CIT: variants seen among roughly 807,000 people sequenced by gnomAD.
CIT encodes citron rho-interacting serine/threonine kinase, also known as citron Rho-interacting kinase.
A neutral mutation model predicts 272.7 loss-of-function variants in CIT; 79 were observed. The ratio of observed to expected loss-of-function variants is 0.29; its 90% confidence interval spans 0.24 to 0.35. The LOEUF (loss-of-function observed/expected upper bound fraction) is 0.35. Ranked by LOEUF, CIT falls within the 10% of genes least tolerant of loss-of-function variation. The pLI is 1.00. For missense variants in CIT, 1,909 were observed against 2,618.3 expected (o/e 0.73, Z 5.91); for synonymous variants, 948 against 995.6 (o/e 0.95, Z 0.90).
At chr12:119,874,857 AGCCTGG>A (rs1475807407) in intron 2 of CIT, among the ~76,000 whole-genome samples, 2 of 150,896 alleles carry the variant, frequency 1.3e-5, no homozygotes, top group Non-Finnish European at 3.0e-5. Flanking sequence ...ACTGCACTCC[AGCCTGG>A]GCGACAGCGA....
chr12:119,788,659 C>A (rs1003261211), intron 10 of CIT, among the ~76,000 whole-genome samples: 2 of 151,970 alleles, frequency 1.3e-5, no homozygotes, highest in Non-Finnish European at 2.9e-5. Flanking sequence ...TGCTTTTTCA[C>A]CCCCCACCAA....
At chr12:119,698,301 T>G in intron 44 of CIT, 1 of 490,618 alleles carries the variant, frequency 2.0e-6, no homozygotes, top group African/African-American at 1.9e-5. Context: ...TACATTATAA[T>G]ACATCTGGCT....
intron 19 of CIT, among the ~76,000 whole-genome samples, chr12:119,761,452 C>T (rs1321510949): frequency 6.6e-6 from 1 of 152,080 alleles, no homozygotes; most frequent in Non-Finnish European, 1.5e-5. Context: ...ACTTTTTCTT[C>T]GCCAGTGCAC....
In CIT at chr12:119,714,329, T is replaced by C. The variant is rs1957332282; in HGVS notation, c.4174A>G (p.Ser1392Gly). 1 of 1,613,988 alleles carries C rather than the reference T, an allele frequency of 6.2e-7. No individual in the cohort carries two copies. Among genetic ancestry groups the C allele is most frequent in the Non-Finnish European group, 8.5e-7 (1 of 1,179,950 alleles). Residue 1392 changes from serine to glycine, a missense_variant, in exon 33 of 48, where the codon AGT becomes GGT. Around this residue, in one of 8 missense-constraint regions of CIT, gnomAD observed 780 missense variants for 1,067.2 expected, o/e 0.73. Coordinates refer to ENST00000392521, the MANE Select transcript of CIT (RefSeq NM_001206999.2). ...RKESSTPEEF[S>G]RRLKERMHHN... ...TGCATGCGTTCCTTAAGACGCCGAC[T>C]AAATTCTGGAGGAAAATGTTTTAAA...
At chr12:119,795,594 C>A (rs371666854) in intron 10 of CIT, among the ~76,000 whole-genome samples, 6 of 152,246 alleles carry the variant, frequency 3.9e-5, no homozygotes, top group South Asian at 2.1e-4. Flanking sequence ...AAAACCAATT[C>A]TTTTACCTTT....
intron 20 of CIT, among the ~76,000 whole-genome samples, chr12:119,760,399 G>C (rs538207846): frequency 6.6e-6 from 1 of 151,974 alleles, no homozygotes; most frequent in Non-Finnish European, 1.5e-5. Flanking sequence ...GACCAAGATG[G>C]GAGGATTGCT....
At position 119,697,978 on chromosome 12, in the gene CIT, T is replaced by G. The variant is rs1164607174; in HGVS notation, c.5700A>C (p.Ala1900=). The G allele has an allele frequency of 6.2e-7, 1 of 1,614,164 alleles. No homozygotes were observed. Among genetic ancestry groups the G allele is most frequent in the Admixed American group, 1.7e-5 (1 of 60,032 alleles). ...ACGCATGGGAGGACAATGCTTACCC[T>G]GCTGAGGAGCGTGCCTGGATCTCAA... ...EVIEIQARSS[A]GTPARAYLDI... The change falls in exon 45 of 48, where the codon GCA becomes GCC. Residue 1900 remains alanine, a splice_region_variant and synonymous_variant. Coordinates refer to ENST00000392521, the MANE Select transcript of CIT (RefSeq NM_001206999.2). The surrounding 1 kb of genome is among the most constrained non-coding windows in gnomAD (Gnocchi z 4.9).
intron 5 of CIT, among the ~76,000 whole-genome samples, chr12:119,839,214 A>G (rs1264269201): frequency 1.3e-5 from 2 of 152,234 alleles, no homozygotes; most frequent in Non-Finnish European, 2.9e-5. Flanking sequence ...TTTGAAACGA[A>G]GGACAAATGT....
At chr12:119,698,274 T>A (rs191880164) in intron 44 of CIT, 7 of 585,152 alleles carry the variant, frequency 1.2e-5, no homozygotes, top group Non-Finnish European at 2.2e-5. Flanking sequence ...AAGTGTACAG[T>A]GTAGGGATTG....
intron 10 of CIT, among the ~76,000 whole-genome samples, chr12:119,791,960 A>G (rs900477680): frequency 6.6e-6 from 1 of 152,264 alleles, no homozygotes; most frequent in African/African-American, 2.4e-5. Context: ...TCAACATTTC[A>G]GTGAAAATTA....
chr12:119,848,896 T>C (rs537948069), intron 5 of CIT, among the ~76,000 whole-genome samples: 10 of 151,944 alleles, frequency 6.6e-5, no homozygotes, highest in Admixed American at 6.6e-4. Flanking sequence ...CACAGTGGTG[T>C]ATGCCCGGGA....
rs1324965825 is a variant in CIT, at chr12:119,772,913, AG to A, written c.1942-4del. ...GCCTCCGTGCTGGCTTTTACAGCCT[AG>A]GAAGAGAGAAGGAAAAGGAGATAGG... is the stretch of plus-strand genomic sequence containing the variant. On this transcript the variant is annotated splice_polypyrimidine_tract_variant and splice_region_variant and intron_variant, in intron 16 of 47. Transcript: ENST00000392521. 3.1e-6 allele frequency: 5 copies of A among 1,610,626 alleles called. No homozygotes were observed. Among genetic ancestry groups the A allele is most frequent in the Non-Finnish European group, 4.2e-6 (5 of 1,178,606 alleles).
rs1964563525 is a variant in CIT, at chr12:119,784,294, A to G, written c.1402-243T>C. Reference sequence around the variant, plus strand: ...CCGGTTCACACTTGATCACTTCTCTAACCCAGTTAGCAAGGAAGCCACAAT... The same window carrying G: ...CCGGTTCACACTTGATCACTTCTCTGACCCAGTTAGCAAGGAAGCCACAAT... On this transcript the variant is annotated intron_variant, in intron 11 of 47. Coordinates refer to ENST00000392521, the MANE Select transcript of CIT (RefSeq NM_001206999.2). The surrounding 1 kb of genome is among the most constrained non-coding windows in gnomAD (Gnocchi z 4.7). The G allele has an allele frequency of 6.5e-7, 1 of 1,532,766 alleles. No individual in the cohort carries two copies. The highest frequency in any genetic ancestry group is 8.8e-7 in the Non-Finnish European group (1 of 1,131,496). 94.9% of individuals were successfully genotyped at this position (1,532,766 alleles called of 1,614,324 possible).
Position 119,857,576 on chromosome 12 carries a change from C to A in CIT, c.361G>T (p.Asp121Tyr), listed in dbSNP as rs369322606. The change falls in exon 4 of 48, where the codon GAC becomes TAC. Residue 121 changes from aspartate to tyrosine, a missense_variant. Coordinates refer to ENST00000392521, the MANE Select transcript of CIT (RefSeq NM_001206999.2). ...VQVVREKATG[D>Y]IYAMKVMKKK... ...TTCATCACTTTCATAGCATAGATGT[C>A]CCCGGTTGCTTTCTCTCTTACCACC... is the stretch of plus-strand genomic sequence containing the variant. The A allele has an allele frequency of 2.5e-6, 4 of 1,614,048 alleles. No individual in the cohort carries two copies. The highest frequency in any genetic ancestry group is 2.7e-5 in the African/African-American group (2 of 74,924).
rs111982000 is a variant in CIT, at chr12:119,735,101, C to A, written c.3156+59G>T. On this transcript the variant is annotated intron_variant, in intron 25 of 47. Transcript: ENST00000392521. ...AACCCTTGGGAGAACGCACCAAGCACTCCTAAAATCCTTCTAAAAGTCCTC... is the reference window on the plus strand; with the variant it reads ...AACCCTTGGGAGAACGCACCAAGCAATCCTAAAATCCTTCTAAAAGTCCTC... The A allele has an allele frequency of 0.035, 53,831 of 1,551,826 alleles. 1,149 individuals carry two copies. The highest frequency in any genetic ancestry group is 0.095 in the African/African-American group (7,035 of 73,774).
chr12:119,691,171 C>CAA (rs35222584), intron 46 of CIT, among the ~76,000 whole-genome samples: 276 of 69,840 alleles, frequency 4.0e-3, no homozygotes, highest in African/African-American at 6.5e-3. Context: ...GACTCCGTCT[C>CAA]AAAAAAAAAA....
chr12:119,791,835 G>C (rs971549714), intron 10 of CIT, among the ~76,000 whole-genome samples: 1 of 152,160 alleles, frequency 6.6e-6, no homozygotes, highest in Non-Finnish European at 1.5e-5. Flanking sequence ...TATTAATAGG[G>C]ATAATGGCAT....
chr12:119,868,966 C>A (rs77173940), intron 3 of CIT, 94 bp downstream of exon 3: 1 of 1,435,790 alleles, frequency 7.0e-7, no homozygotes, highest in Admixed American at 2.1e-5. Context: ...GAGTTCTTAC[C>A]GACTACTATC....
At position 119,758,705 on chromosome 12, in the gene CIT, AAC is replaced by A. The variant is rs1428548392; in HGVS notation, c.2422-7_2422-6del. 2 of 1,579,242 alleles carry A rather than the reference AAC, an allele frequency of 1.3e-6. No individual in the cohort carries two copies. Among genetic ancestry groups the A allele is most frequent in the African/African-American group, 2.7e-5 (2 of 74,224 alleles). On this transcript the variant is annotated splice_region_variant and splice_polypyrimidine_tract_variant and intron_variant, in intron 20 of 47. Coordinates refer to ENST00000392521, the MANE Select transcript of CIT (RefSeq NM_001206999.2). Reference sequence around the variant, plus strand: ...GGAATCCATAGCATTGATCATCTGAAACACAGGGCACCTATGAAACTTCACAC... The same window carrying A: ...GGAATCCATAGCATTGATCATCTGAAACAGGGCACCTATGAAACTTCACAC...
Sources: allele counts gnomAD v4.1 joint callset (sites outside exome capture counted in the v4.1 genomes callset), GRCh38; gene constraint gnomAD v4.1.1; regional missense constraint gnomAD v4.1.1; non-coding constraint Gnocchi (gnomAD v3.1); transcripts MANE v1.5; gene names NCBI Gene and HGNC (gene_info 2026-07-23, HGNC 2026-07-21).